CBLC: variants seen among roughly 807,000 people sequenced by gnomAD.
The protein encoded by CBLC is Cbl proto-oncogene C.
Under a neutral mutation model 58.6 loss-of-function variants are expected in CBLC, and 46 were observed. That is an observed-to-expected ratio of 0.79 (90% CI 0.62 to 1.00). CBLC has a LOEUF of 1.00. Among genes scored for constraint, CBLC ranks in the 50% least tolerant of loss-of-function variants. The pLI is 0.00. For missense variants in CBLC, 655 were observed against 625.8 expected, an observed-to-expected ratio of 1.05 and a Z score of -0.50; for synonymous variants, 271 against 264.2, an observed-to-expected ratio of 1.03 and a Z score of -0.25.
In CBLC at chr19:44,800,563, T is replaced by C. The variant is rs1316812107; in HGVS notation, c.*20T>C. ...TCTCCGCCTACAGGGCACCCAGATG[T>C]GCTGCTCAAGGGAGCCCCAAGGGCT... On this transcript the variant is annotated 3_prime_UTR_variant, in exon 11 of 11. Transcript: ENST00000647358. The C allele has an allele frequency of 1.5e-6, 1 of 655,636 alleles. No homozygotes were observed. Among genetic ancestry groups the C allele is most frequent in the African/African-American group, 1.8e-5 (1 of 55,010 alleles). The allele number at this position is 655,636 out of a possible 1,614,324, so 40.6% of individuals were successfully genotyped here.
intron 7 of CBLC, among the ~76,000 whole-genome samples, chr19:44,792,921 T>C (rs1599871218): frequency 1.3e-5 from 2 of 151,256 alleles, no homozygotes; most frequent in Admixed American, 1.3e-4. Flanking sequence ...CCGGGGTGGG[T>C]GGATCACTTG....
rs757863605 is a variant in CBLC, at chr19:44,794,292, C to T, written c.1362+11C>T. 13 of 1,611,994 alleles carry T rather than the reference C, an allele frequency of 8.1e-6. No individual in the cohort carries two copies. The highest frequency in any genetic ancestry group is 2.2e-5 in the East Asian group (1 of 44,666). ...GCCCAGCCGAAAGTGGTGAGTCAGG[C>T]GCTGGTCTGAGGTTGGGGGCTGGGG... On this transcript the variant is annotated intron_variant, in intron 9 of 10. Coordinates refer to ENST00000647358, the MANE Select transcript of CBLC (RefSeq NM_012116.4).
intron 9 of CBLC, among the ~76,000 whole-genome samples, chr19:44,797,574 CTTT>C (rs763685561): frequency 1.5e-5 from 2 of 133,204 alleles, no homozygotes; most frequent in Non-Finnish European, 3.2e-5. Flanking sequence ...CCTGGCATTG[CTTT>C]TTTTTTTTTT....
At chr19:44,791,539 C>T (rs1179774265) in intron 6 of CBLC, among the ~76,000 whole-genome samples, 1 of 151,964 alleles carries the variant, frequency 6.6e-6, no homozygotes, top group African/African-American at 2.4e-5. Flanking sequence ...TCGAGACTAG[C>T]ATGGCCAACA....
chr19:44,785,674 G>A (rs1488242268), intron 5 of CBLC, among the ~76,000 whole-genome samples: 2 of 151,454 alleles, frequency 1.3e-5, no homozygotes, highest in Non-Finnish European at 2.9e-5. Context: ...GGTGGTTCAC[G>A]CCTGTAATCC....
At chr19:44,781,468 C>T in intron 3 of CBLC, 105 bp downstream of exon 3, 2 of 1,155,788 alleles carry the variant, frequency 1.7e-6, no homozygotes, top group South Asian at 1.6e-5. Flanking sequence ...GACCTGGACT[C>T]CTGGATCTGA....
Position 44,789,994 on chromosome 19 carries a change from C to T in CBLC, c.918-10C>T, listed in dbSNP as rs750382577. On this transcript the variant is annotated splice_polypyrimidine_tract_variant and intron_variant, in intron 5 of 10. Coordinates refer to ENST00000647358, the MANE Select transcript of CBLC (RefSeq NM_012116.4). ...TGGCCCCCCAGTCCCCCTCTCTTCCCTTCCCCCAGCTACCTCTACCCAGAT... is the reference window on the plus strand; with the variant it reads ...TGGCCCCCCAGTCCCCCTCTCTTCCTTTCCCCCAGCTACCTCTACCCAGAT... 3.7e-6 allele frequency: 6 copies of T among 1,608,050 alleles called. No individual in the cohort carries two copies. The highest frequency in any genetic ancestry group is 4.3e-6 in the Non-Finnish European group (5 of 1,174,532).
rs756676757 is a variant in CBLC, at chr19:44,781,182, TCTCCCCCACCC to T, written c.501-21_501-11del. 3 of 1,595,430 alleles carry T rather than the reference TCTCCCCCACCC, an allele frequency of 1.9e-6. No individual in the cohort carries two copies. The highest frequency in any genetic ancestry group is 2.6e-6 in the Non-Finnish European group (3 of 1,169,426). ...TAGGCTCTGGGAGGCCTCAGCGGTGTCTCCCCCACCCCTCTCCCACCCAGGTGTGTGCTGCC... is the reference window on the plus strand; with the variant it reads ...TAGGCTCTGGGAGGCCTCAGCGGTGTCTCTCCCACCCAGGTGTGTGCTGCC... On this transcript the variant is annotated splice_polypyrimidine_tract_variant and intron_variant, in intron 2 of 10. Transcript: ENST00000647358.
intron 5 of CBLC, among the ~76,000 whole-genome samples, chr19:44,784,615 G>C (rs960499958): frequency 1.9e-4 from 29 of 152,200 alleles, no homozygotes; most frequent in Non-Finnish European, 3.5e-4. Flanking sequence ...GCCATAGATC[G>C]GGCCCAGCCA....
At position 44,798,885 on chromosome 19, in the gene CBLC, G is replaced by A. The variant is rs115493420; in HGVS notation, c.1363-1496G>A. On this transcript the variant is annotated intron_variant, in intron 9 of 10. Transcript: ENST00000647358. Reference sequence around the variant, plus strand: ...ATCTCCCCTACTCCACCTCCTTTCCGGCAACATTGGACCCTTGCTGCTCTT... The same window carrying A: ...ATCTCCCCTACTCCACCTCCTTTCCAGCAACATTGGACCCTTGCTGCTCTT... Among the ~76,000 whole-genome samples, 796 of 152,112 alleles carry A rather than the reference G, an allele frequency of 5.2e-3. 9 individuals carry two copies. The highest frequency in any genetic ancestry group is 0.018 in the African/African-American group (750 of 41,498).
chr19:44,795,710 C>T (rs1472703856), intron 9 of CBLC, among the ~76,000 whole-genome samples: 2 of 152,006 alleles, frequency 1.3e-5, no homozygotes, highest in Non-Finnish European at 1.5e-5. Context: ...AAAGATCTTT[C>T]GCCACCCGGC....
Position 44,781,564 on chromosome 19 carries a change from T to C in CBLC, c.657+201T>C, listed in dbSNP as rs191939426. On this transcript the variant is annotated intron_variant, in intron 3 of 10. Coordinates refer to ENST00000647358, the MANE Select transcript of CBLC (RefSeq NM_012116.4). ...CTCCTGGGTCTGAGGGAGGAGGGGC[T>C]GGGGGCCTGGACTCCTGGGTCTGAG... is the stretch of plus-strand genomic sequence containing the variant. Among the ~76,000 whole-genome samples the C allele has an allele frequency of 4.3e-4, 8 of 18,518 alleles. No homozygotes were observed. In the South Asian group the frequency reaches 5.1e-3, roughly 12 times the overall value. 12.1% of individuals were successfully genotyped at this position (18,518 alleles called of 152,430 possible).
intron 9 of CBLC, among the ~76,000 whole-genome samples, chr19:44,796,749 T>G (rs1368094779): frequency 1.3e-5 from 2 of 152,104 alleles, no homozygotes; most frequent in Non-Finnish European, 2.9e-5. Context: ...CCCAGGATTT[T>G]TGGGACCCTG....
At position 44,793,472 on chromosome 19, in the gene CBLC, A is replaced by G. The variant is rs1968104845; in HGVS notation, c.1138-2A>G. Reference sequence around the variant, plus strand: ...GACCCTTTCCCTCCCGACCTCCCCCAGCACTCGGACAGCCAGACCTGCCCC... The same window carrying G: ...GACCCTTTCCCTCCCGACCTCCCCCGGCACTCGGACAGCCAGACCTGCCCC... On this transcript the variant is annotated splice_acceptor_variant, in intron 7 of 10. Coordinates refer to ENST00000647358, the MANE Select transcript of CBLC (RefSeq NM_012116.4). LOFTEE classifies it high-confidence loss of function. The G allele has an allele frequency of 6.2e-7, 1 of 1,604,618 alleles. No individual in the cohort carries two copies.
intron 4 of CBLC, 61 bp from the exon 5 acceptor site, chr19:44,784,203 G>T (rs1327382266): frequency 6.8e-7 from 1 of 1,464,242 alleles, no homozygotes; most frequent in Non-Finnish European, 9.2e-7. Context: ...GGGACTGGAA[G>T]TTCACAAAAG....
intron 9 of CBLC, among the ~76,000 whole-genome samples, chr19:44,797,167 C>G (rs770294762): frequency 2.1e-4 from 32 of 152,246 alleles, no homozygotes; most frequent in Non-Finnish European, 3.2e-4. Context: ...CCACTCCCAC[C>G]TAGTCTTTCA....
chr19:44,789,712 G>GT (rs1180499883), intron 5 of CBLC, among the ~76,000 whole-genome samples: 1 of 152,108 alleles, frequency 6.6e-6, no homozygotes. Flanking sequence ...TTTTCATATC[G>GT]TTTTCTGGTT....
At chr19:44,786,633 CTT>C (rs1967917031) in intron 5 of CBLC, among the ~76,000 whole-genome samples, 1 of 151,828 alleles carries the variant, frequency 6.6e-6, no homozygotes, top group South Asian at 2.1e-4. Flanking sequence ...AAAATTGACA[CTT>C]TATTCAGTAC....
intron 8 of CBLC, 143 bp from the exon 9 acceptor site, chr19:44,794,061 T>C: frequency 7.1e-7 from 1 of 1,408,712 alleles, no homozygotes; most frequent in Non-Finnish European, 9.4e-7. Context: ...GTAACCCTCC[T>C]AAGTGTTCAT....
Sources: gnomAD v4.1 joint callset for allele counts (sites outside exome capture counted in the v4.1 genomes callset) on GRCh38, gnomAD v4.1.1 for gene constraint, MANE v1.5 for transcripts, NCBI Gene and HGNC (gene_info 2026-07-23, HGNC 2026-07-21) for gene names.